The following RLN1 variants were observed in gnomAD, a reference collection of about 807,000 sequenced individuals.
RLN1 encodes prorelaxin H1.
RLN1 carries 4 observed loss-of-function variants against 7.2 expected under a neutral mutation model. The ratio of observed to expected loss-of-function variants is 0.56; its 90% CI spans 0.28 to 1.28. The LOEUF (loss-of-function observed/expected upper bound fraction) is 1.28, where lower values mean the gene tolerates loss of function less well. RLN1 is among the 50% of genes most tolerant of loss of function. The pLI, the probability that RLN1 is intolerant of heterozygous loss-of-function variation, is 0.11. For missense variants in RLN1, 293 were observed against 221.1 expected, an observed-to-expected ratio of 1.32 and a Z score of -2.06; for synonymous variants, 105 against 86.0, an observed-to-expected ratio of 1.22 and a Z score of -1.22.
At position 5,335,339 on chromosome 9, in the gene RLN1, G is replaced by C. The variant is rs774289575; in HGVS notation, c.470C>G (p.Ser157Cys). The C allele has an allele frequency of 6.8e-6, 11 of 1,612,586 alleles. No homozygotes were observed. The highest frequency in any genetic ancestry group is 7.6e-6 in the Non-Finnish European group (9 of 1,179,526). The change falls in exon 2 of 2, where the codon TCT becomes TGT. Residue 157 changes from serine to cysteine, a missense_variant. Ser to Cys is a moderately radical substitution (Grantham distance 112, BLOSUM62 -1). Coordinates refer to ENST00000223862, the MANE Select transcript of RLN1 (RefSeq NM_006911.4). ...ELKYLGLDTH[S>C]QKKRRPYVAL... ...CACGTAGGGTCGTCTCTTTTTTTGA[G>C]AATGAGTATCCAAGCCTAAGTATTT... is the stretch of plus-strand genomic sequence containing the variant.
At position 5,335,053 on chromosome 9, in the gene RLN1, A is replaced by T; in HGVS notation, c.*198T>A. The T allele has an allele frequency of 2.1e-6, 1 of 468,140 alleles. No homozygotes were observed. The highest frequency in any genetic ancestry group is 3.7e-6 in the Non-Finnish European group (1 of 268,956). The allele number at this position is 468,140 out of a possible 1,614,324, so 29.0% of individuals were successfully genotyped here. A position where few individuals can be genotyped will look rare whatever the true frequency, so the allele number is the denominator to read the frequency against. On this transcript the variant is annotated 3_prime_UTR_variant, in exon 2 of 2. Transcript: ENST00000223862. ...TTATACTGTTAATAAAAAGACAAAA[A>T]GACTTCAGCATAGAAAGTGTCATTT...
At chr9:5,336,229 T>C (rs893957225) in intron 1 of RLN1, among the ~76,000 whole-genome samples, 9 of 152,072 alleles carry the variant, frequency 5.9e-5, no homozygotes, top group Admixed American at 1.3e-4. Context: ...GTATTTTATA[T>C]GAAAGAGAGA....
Position 5,335,592 on chromosome 9 carries a change from C to G in RLN1, c.217G>C (p.Val73Leu), listed in dbSNP as rs1340057502. Residue 73 changes from valine (V) to leucine (L), a missense_variant, in exon 2 of 2, where the codon GTA becomes CTA. Physicochemically the swap from Val to Leu is conservative, Grantham distance 32. Transcript: ENST00000223862. The stretch of plus-strand genomic sequence containing the variant: ...GTATCTTTGTTGATGAAGGATGGTA[C>G]AATTTCTGTTAAGTTTAAAAAAAAA... Reference protein sequence around the residue: ...PQTPRPVAEIVPSFINKDTET... With the variant: ...PQTPRPVAEILPSFINKDTET... 6.3e-6 allele frequency: 10 copies of G among 1,592,304 alleles called. No individual in the cohort carries two copies. The highest frequency in any genetic ancestry group is 8.6e-6 in the Non-Finnish European group (10 of 1,165,892).
chr9:5,339,544 G>A lies in RLN1; in HGVS notation c.203C>T (p.Pro68Leu). The change falls in exon 1 of 2, where the codon CCA (proline) becomes CTA (leucine). Residue 68 changes from proline to leucine, a missense_variant. By Grantham distance (98) the Pro-to-Leu change is moderately conservative. Transcript: ENST00000223862. ...GGGGCGGGAGCTCTCACCTGCCACT[G>A]GTCTAGGTGTCTGAGGAGCATCTTC... The part of the protein sequence containing the change: ...SQEDAPQTPR[P>L]VAEIVPSFIN... 2 of 1,586,006 alleles carry A rather than the reference G, an allele frequency of 1.3e-6. No individual in the cohort carries two copies. Among genetic ancestry groups the A allele is most frequent in the Non-Finnish European group, 1.7e-6 (2 of 1,169,262 alleles).
At position 5,335,298 on chromosome 9, in the gene RLN1, A is replaced by G; in HGVS notation, c.511T>C (p.Cys171Arg). Residue 171 changes from cysteine to arginine, a missense_variant, in exon 2 of 2, where the codon TGT (cysteine) becomes CGT (arginine). Cys to Arg is a radical substitution (Grantham distance 180, BLOSUM62 -3). Coordinates refer to ENST00000223862, the MANE Select transcript of RLN1 (RefSeq NM_006911.4). Reference sequence around the variant, plus strand: ...CTTTTGGTACAACCAATTAGGCAACATTTCTCAAACAGTGCCACGTAGGGT... The same window carrying G: ...CTTTTGGTACAACCAATTAGGCAACGTTTCTCAAACAGTGCCACGTAGGGT... ...RRPYVALFEK[C>R]CLIGCTKRSL... The G allele has an allele frequency of 3.1e-6, 5 of 1,602,512 alleles. No homozygotes were observed. The highest frequency in any genetic ancestry group is 3.4e-6 in the Non-Finnish European group (4 of 1,177,038).
chr9:5,337,119 G>C (rs373791426), intron 1 of RLN1, among the ~76,000 whole-genome samples: 7 of 151,990 alleles, frequency 4.6e-5, no homozygotes, highest in African/African-American at 7.3e-5. Flanking sequence ...TTAAATGACA[G>C]GTTTTGGCAT....
Position 5,335,607 on chromosome 9 carries a change from T to A in RLN1, c.212-10A>T. 6.4e-7 allele frequency: 1 copy of A among 1,572,056 alleles called. No individual in the cohort carries two copies. The highest frequency in any genetic ancestry group is 1.2e-5 in the South Asian group (1 of 86,930). On this transcript the variant is annotated splice_polypyrimidine_tract_variant and intron_variant, in intron 1 of 1. Transcript: ENST00000223862. ...AAGGATGGTACAATTTCTGTTAAGT[T>A]TAAAAAAAAAGTGTATGTGAAGGCG...
At position 5,335,562 on chromosome 9, in the gene RLN1, T is replaced by A; in HGVS notation, c.247A>T (p.Thr83Ser). Residue 83 changes from threonine to serine, a missense_variant, in exon 2 of 2, where the codon ACT becomes TCT. Physicochemically the swap from Thr to Ser is moderately conservative, Grantham distance 58. Coordinates refer to ENST00000223862, the MANE Select transcript of RLN1 (RefSeq NM_006911.4). ...ATGAATTCCAACATGATAATTATAG[T>A]TTCTGTATCTTTGTTGATGAAGGAT... ...VPSFINKDTE[T>S]IIIMLEFIAN... The A allele has an allele frequency of 6.2e-7, 1 of 1,610,910 alleles. No individual in the cohort carries two copies. The highest frequency in any genetic ancestry group is 1.3e-5 in the African/African-American group (1 of 74,790).
intron 1 of RLN1, among the ~76,000 whole-genome samples, chr9:5,337,064 C>T (rs1358290236): frequency 1.3e-5 from 2 of 152,076 alleles, no homozygotes; most frequent in Non-Finnish European, 2.9e-5. Flanking sequence ...CGCTCATCCA[C>T]ATTCTAAACT....
chr9:5,340,470 T>C (rs1816969035), upstream of RLN1, among the ~76,000 whole-genome samples: 1 of 152,194 alleles, frequency 6.6e-6, no homozygotes, highest in Non-Finnish European at 1.5e-5. Flanking sequence ...CTAAATATTT[T>C]AATTTAAAAT....
At chr9:5,336,352 C>T (rs1202487352) in intron 1 of RLN1, among the ~76,000 whole-genome samples, 2 of 152,016 alleles carry the variant, frequency 1.3e-5, no homozygotes, top group Non-Finnish European at 2.9e-5. Flanking sequence ...TCCAAGGCTG[C>T]AGATCATGCA....
At position 5,339,633 on chromosome 9, in the gene RLN1, T is replaced by C; in HGVS notation, c.114A>G (p.Glu38=). The C allele has an allele frequency of 1.2e-6, 2 of 1,612,648 alleles. No homozygotes were observed. The highest frequency in any genetic ancestry group is 1.7e-6 in the Non-Finnish European group (2 of 1,179,996). The change falls in exon 1 of 2, where the codon GAA becomes GAG. Residue 38 remains glutamate, a synonymous_variant. Transcript: ENST00000223862. ...AAATGGCAATCTGCGCGCGAACTAATTCGCGGCCGCATAATTTAATAACAT... is the reference window on the plus strand; with the variant it reads ...AAATGGCAATCTGCGCGCGAACTAACTCGCGGCCGCATAATTTAATAACAT... ...KDDVIKLCGR[E]LVRAQIAICG... is the part of the protein sequence containing the mutation.
In RLN1 at chr9:5,335,266, A is replaced by T; in HGVS notation, c.543T>A (p.Leu181=). The T allele has an allele frequency of 6.3e-7, 1 of 1,589,784 alleles. No homozygotes were observed. The highest frequency in any genetic ancestry group is 8.5e-7 in the Non-Finnish European group (1 of 1,171,160). Residue 181 remains leucine, a synonymous_variant, in exon 2 of 2, where the codon CTT becomes CTA. Coordinates refer to ENST00000223862, the MANE Select transcript of RLN1 (RefSeq NM_006911.4). The part of the protein sequence containing the change: ...CCLIGCTKRS[L]AKYC ...TAGCTTCATCTCAGCAATATTTAGC[A>T]AGAGACCTTTTGGTACAACCAATTA...
chr9:5,336,803 A>G (rs1816903748), intron 1 of RLN1, among the ~76,000 whole-genome samples: 1 of 151,938 alleles, frequency 6.6e-6, no homozygotes, highest in Non-Finnish European at 1.5e-5. Flanking sequence ...GAGAGGAGTA[A>G]ATCTAAGTGC....
chr9:5,336,361 C>A (rs556022482), intron 1 of RLN1, among the ~76,000 whole-genome samples: 1 of 152,120 alleles, frequency 6.6e-6, no homozygotes, highest in African/African-American at 2.4e-5. Flanking sequence ...GCAGATCATG[C>A]ACTATGCAAG....
chr9:5,336,283 G>A (rs994465738), intron 1 of RLN1, among the ~76,000 whole-genome samples: 1 of 152,036 alleles, frequency 6.6e-6, no homozygotes, highest in African/African-American at 2.4e-5. Flanking sequence ...GATTTAAGAA[G>A]AGATTCATAT....
chr9:5,335,225 A>C lies in RLN1; in HGVS notation c.*26T>G. On this transcript the variant is annotated 3_prime_UTR_variant, in exon 2 of 2. Coordinates refer to ENST00000223862, the MANE Select transcript of RLN1 (RefSeq NM_006911.4). ...CATCAAGACTATGTGTGAAAATTAG[A>C]CAAGATGTGCACAATTAGCTTCATC... 1.4e-6 allele frequency: 2 copies of C among 1,422,766 alleles called. No homozygotes were observed. The highest frequency in any genetic ancestry group is 1.9e-6 in the Non-Finnish European group (2 of 1,040,344). 88.1% of individuals were successfully genotyped at this position (1,422,766 alleles called of 1,614,324 possible).
intron 1 of RLN1, among the ~76,000 whole-genome samples, chr9:5,337,682 T>A (rs10975056): frequency 0.42 from 63,426 of 151,694 alleles, 13,642 homozygotes; most frequent in Non-Finnish European, 0.44. Context: ...GATTCCTACC[T>A]AGTAACGGTA....
rs1027078294 is a variant in RLN1, at chr9:5,335,064, T to C, written c.*187A>G. ...ATAAAAAGACAAAAAGACTTCAGCA[T>C]AGAAAGTGTCATTTACAGAAACTAC... On this transcript the variant is annotated 3_prime_UTR_variant, in exon 2 of 2. Coordinates refer to ENST00000223862, the MANE Select transcript of RLN1 (RefSeq NM_006911.4). The C allele has an allele frequency of 1.4e-5, 7 of 490,298 alleles. No homozygotes were observed. Among genetic ancestry groups the C allele is most frequent in the African/African-American group, 3.9e-5 (2 of 50,728 alleles). 30.4% of individuals were successfully genotyped at this position (490,298 alleles called of 1,614,324 possible). A position where few individuals can be genotyped will look rare whatever the true frequency, so the allele number is the denominator to read the frequency against.
Sources: allele counts gnomAD v4.1 joint callset (sites outside exome capture counted in the v4.1 genomes callset), GRCh38; gene constraint gnomAD v4.1.1; transcripts MANE v1.5; gene names NCBI Gene and HGNC (gene_info 2026-07-23, HGNC 2026-07-21).